The following ALKBH5 variants were observed in gnomAD, a reference collection of about 807,000 sequenced individuals.
ALKBH5 encodes the protein alkB homolog 5, RNA demethylase, also known as RNA demethylase ALKBH5.
Under a neutral mutation model 32.1 loss-of-function variants are expected in ALKBH5, and 2 were observed. That is an observed-to-expected ratio of 0.06 (90% CI 0.03 to 0.20). The LOEUF (loss-of-function observed/expected upper bound fraction) is 0.20, where lower values mean the gene tolerates loss of function less well. ALKBH5 is among the 10% of genes least tolerant of loss of function. The pLI is 1.00. For synonymous variants in ALKBH5, 300 were observed against 231.7 expected (o/e 1.29, Z -2.68); for missense variants, 352 against 559.5 (o/e 0.63, Z 3.74).
intron 2 of ALKBH5, among the ~76,000 whole-genome samples, chr17:18,206,383 T>C (rs1597843204): frequency 6.6e-6 from 1 of 152,130 alleles, no homozygotes; most frequent in African/African-American, 2.4e-5. Flanking sequence ...TCTCTTTCTC[T>C]CCAGCCCCTC....
chr17:18,193,501 T>A (rs2047189568), intron 1 of ALKBH5, among the ~76,000 whole-genome samples: 1 of 151,616 alleles, frequency 6.6e-6, no homozygotes. Context: ...GAGCCGAGAT[T>A]GTGCCACTGC....
At position 18,196,214 on chromosome 17, in the gene ALKBH5, C is replaced by CTT. The variant is rs575337257; in HGVS notation, c.851+1194_851+1195dup. On this transcript the variant is annotated intron_variant, in intron 2 of 3. Coordinates refer to ENST00000399138, the MANE Select transcript of ALKBH5 (RefSeq NM_017758.4). ...ACAGTTTCTCAGACTTTGCCTTATT[C>CTT]TTTTTTTTTTTTTTTTGAGACAGGG... Among the ~76,000 whole-genome samples the CTT allele has an allele frequency of 1.5e-3, 213 of 140,624 alleles. 1 individual carries two copies. The highest frequency in any genetic ancestry group is 2.7e-3 in the South Asian group (12 of 4,396). The allele number at this position is 140,624 out of a possible 152,430, so 92.3% of individuals were successfully genotyped here.
At chr17:18,201,686 A>G (rs1396677520) in intron 2 of ALKBH5, among the ~76,000 whole-genome samples, 1 of 152,080 alleles carries the variant, frequency 6.6e-6, no homozygotes, top group African/African-American at 2.4e-5. Flanking sequence ...CAGAGGTTGC[A>G]GTGAGCCAAG....
chr17:18,202,478 A>G (rs1216760115), intron 2 of ALKBH5, among the ~76,000 whole-genome samples: 3 of 152,030 alleles, frequency 2.0e-5, no homozygotes, highest in African/African-American at 4.8e-5. Flanking sequence ...TGGAGCTTAG[A>G]CCTTAGCTCT....
intron 1 of ALKBH5, among the ~76,000 whole-genome samples, chr17:18,186,398 C>G (rs1183243003): frequency 2.6e-5 from 4 of 152,184 alleles, no homozygotes; most frequent in African/African-American, 4.8e-5. Flanking sequence ...AGGTTGGGGT[C>G]TGACCCCATT....
intron 2 of ALKBH5, among the ~76,000 whole-genome samples, chr17:18,201,601 A>AG (rs2047236424): frequency 6.6e-6 from 1 of 152,122 alleles, no homozygotes; most frequent in Non-Finnish European, 1.5e-5. Flanking sequence ...CTACTAAAAT[A>AG]CAAAAAATTA....
At chr17:18,194,666 A>C (rs2047195797) in intron 1 of ALKBH5, among the ~76,000 whole-genome samples, 1 of 152,180 alleles carries the variant, frequency 6.6e-6, no homozygotes, top group South Asian at 2.1e-4. Flanking sequence ...CCCTTTTAAA[A>C]AAGGGTTCCT....
At chr17:18,200,668 GGAACT>G (rs1478343857) in intron 2 of ALKBH5, among the ~76,000 whole-genome samples, 1 of 152,182 alleles carries the variant, frequency 6.6e-6, no homozygotes, top group Admixed American at 6.5e-5. Flanking sequence ...CATCTCAACA[GGAACT>G]GGTCAAAGAA....
intron 2 of ALKBH5, among the ~76,000 whole-genome samples, chr17:18,204,854 G>A (rs1223787194): frequency 6.6e-6 from 1 of 152,018 alleles, no homozygotes; most frequent in Non-Finnish European, 1.5e-5. Flanking sequence ...ACTTAGAAGA[G>A]TTAGAGACCA....
chr17:18,207,922 A>C (rs947960496), intron 3 of ALKBH5, among the ~76,000 whole-genome samples: 5 of 152,148 alleles, frequency 3.3e-5, no homozygotes, highest in African/African-American at 7.2e-5. Context: ...AACCATGCAG[A>C]GTCTTGAGGC....
Position 18,206,807 on chromosome 17 carries a change from C to T in ALKBH5, c.852-8C>T, listed in dbSNP as rs552392706. On this transcript the variant is annotated splice_polypyrimidine_tract_variant and splice_region_variant and intron_variant, in intron 2 of 3. Coordinates refer to ENST00000399138, the MANE Select transcript of ALKBH5 (RefSeq NM_017758.4). ...CCTTTGGTGACCCCATGCATGTTTC[C>T]TTTGCAGGACAAGATTAGATGCACC... 98 of 1,613,718 alleles carry T rather than the reference C, an allele frequency of 6.1e-5. 1 individual carries two copies. In the South Asian group the frequency reaches 1.0e-3, roughly 17 times the overall value.
At chr17:18,194,923 T>G in intron 1 of ALKBH5, 32 bp from the exon 2 acceptor site, 1 of 1,609,830 alleles carries the variant, frequency 6.2e-7, no homozygotes, top group South Asian at 1.1e-5. Context: ...CTGTCTACTC[T>G]TCATGGTCAC....
At chr17:18,190,550 G>GGA (rs1390458334) in intron 1 of ALKBH5, among the ~76,000 whole-genome samples, 90 of 121,892 alleles carry the variant, frequency 7.4e-4, no homozygotes, top group African/African-American at 2.7e-3. Flanking sequence ...CTCTGTTTCC[G>GGA]AAAAAAAAAA....
At chr17:18,208,169 G>T (rs746896549) in intron 3 of ALKBH5, 50 bp from the exon 4 acceptor site, 2 of 1,553,152 alleles carry the variant, frequency 1.3e-6, no homozygotes, top group African/African-American at 2.7e-5. Flanking sequence ...GTAAAGCCAG[G>T]CGCCTCCTGC....
chr17:18,209,560 T>TA lies in ALKBH5; in HGVS notation c.*1165dup, dbSNP rs1378121726. The TA allele has an allele frequency of 1.3e-5, 2 of 152,262 alleles. No homozygotes were observed. Among genetic ancestry groups the TA allele is most frequent in the African/African-American group, 4.8e-5 (2 of 41,470 alleles). 9.4% of individuals were successfully genotyped at this position (152,262 alleles called of 1,614,324 possible). ...AAAAGGTAAAGTCTTTGGTAGCTTCTATCCACTCAGATCCTGGAAGGCAGC... is the reference window on the plus strand; with the variant it reads ...AAAAGGTAAAGTCTTTGGTAGCTTCTAATCCACTCAGATCCTGGAAGGCAGC... On this transcript the variant is annotated 3_prime_UTR_variant, in exon 4 of 4. Coordinates refer to ENST00000399138, the MANE Select transcript of ALKBH5 (RefSeq NM_017758.4).
chr17:18,192,674 C>CTGT (rs1352214634), intron 1 of ALKBH5, among the ~76,000 whole-genome samples: 10 of 152,124 alleles, frequency 6.6e-5, no homozygotes, highest in African/African-American at 2.4e-4. Flanking sequence ...GTACTTCTCA[C>CTGT]TGTGGGCTGA....
At chr17:18,193,700 G>A (rs1424150611) in intron 1 of ALKBH5, among the ~76,000 whole-genome samples, 3 of 152,218 alleles carry the variant, frequency 2.0e-5, no homozygotes, top group African/African-American at 7.2e-5. Flanking sequence ...TTAGAGCTGA[G>A]GTTTGGCCAG....
At chr17:18,191,016 T>G (rs2047171124) in intron 1 of ALKBH5, among the ~76,000 whole-genome samples, 1 of 152,206 alleles carries the variant, frequency 6.6e-6, no homozygotes, top group Non-Finnish European at 1.5e-5. Flanking sequence ...GGTTATTTCC[T>G]CTTCTCCTTT....
chr17:18,207,385 C>T (rs928628269), intron 3 of ALKBH5, among the ~76,000 whole-genome samples: 3 of 152,066 alleles, frequency 2.0e-5, no homozygotes, highest in Admixed American at 1.3e-4. Context: ...ATGTTTTGGC[C>T]GGCACAGTGG....
Sources: allele counts gnomAD v4.1 joint callset (sites outside exome capture counted in the v4.1 genomes callset), GRCh38; gene constraint gnomAD v4.1.1; transcripts MANE v1.5; gene names NCBI Gene and HGNC (gene_info 2026-07-23, HGNC 2026-07-21).